Variants in PYHIN1 observed in about 807,000 individuals in gnomAD.
PYHIN1 encodes pyrin and HIN domain-containing protein 1.
PYHIN1 carries 32 observed loss-of-function variants against 43.7 expected under a neutral mutation model. That is an observed-to-expected ratio of 0.73 (90% CI 0.55 to 0.98). The LOEUF is 0.98. Among genes scored for constraint, PYHIN1 ranks in the 50% least tolerant of loss-of-function variants. PYHIN1 has a pLI of 0.00. For synonymous variants in PYHIN1, 205 were observed against 203.1 expected, an observed-to-expected ratio of 1.01 and a Z score of -0.08; for missense variants, 588 against 589.5, an observed-to-expected ratio of 1.00 and a Z score of 0.03.
At chr1:158,944,748 T>C (rs1302038370) in intron 6 of PYHIN1, 127 bp from the exon 7 acceptor site, 13 of 664,614 alleles carry the variant, frequency 2.0e-5, no homozygotes, top group Non-Finnish European at 3.0e-5. Context: ...ATACATTAGA[T>C]AGAGGCAATC....
At chr1:158,944,340 C>T (rs992342210) in intron 6 of PYHIN1, among the ~76,000 whole-genome samples, 68 of 152,286 alleles carry the variant, frequency 4.5e-4, no homozygotes, top group African/African-American at 1.6e-3. Flanking sequence ...ACATGTTCCT[C>T]ACACAATTGG....
intron 7 of PYHIN1, among the ~76,000 whole-genome samples, chr1:158,952,993 G>T (rs540637920): frequency 1.3e-5 from 2 of 152,178 alleles, no homozygotes; most frequent in African/African-American, 2.4e-5. Flanking sequence ...AGGGGTGATC[G>T]ACGCACCTGG....
At chr1:158,981,463 C>T (rs1289096091), downstream of PYHIN1, among the ~76,000 whole-genome samples, 1 of 152,116 alleles carries the variant, frequency 6.6e-6, no homozygotes, top group Non-Finnish European at 1.5e-5. Flanking sequence ...AAGAGCGAGA[C>T]TCTGAATCAA....
chr1:158,990,020 A>G, the PYHIN1 span, among the ~76,000 whole-genome samples: 6 of 152,170 alleles, frequency 3.9e-5, no homozygotes, highest in Non-Finnish European at 5.9e-5. Flanking sequence ...AAATGCATAA[A>G]TGTGTGAATG....
At chr1:158,973,809 T>C (rs1233732486) in intron 8 of PYHIN1, 38 bp downstream of exon 8, 3 of 1,608,566 alleles carry the variant, frequency 1.9e-6, no homozygotes, top group Non-Finnish European at 1.7e-6. Context: ...ACCTCTAAAA[T>C]ATAATTGTAG....
chr1:158,973,391 T>TTC (rs1477910298), intron 7 of PYHIN1, among the ~76,000 whole-genome samples: 1 of 151,934 alleles, frequency 6.6e-6, no homozygotes, highest in African/African-American at 2.4e-5. Flanking sequence ...CAGATCCATT[T>TTC]TCTCTTATAC....
chr1:158,973,186 G>A (rs1651036025), intron 7 of PYHIN1, among the ~76,000 whole-genome samples: 2 of 152,076 alleles, frequency 1.3e-5, no homozygotes, highest in African/African-American at 4.8e-5. Flanking sequence ...CCACACCTAT[G>A]AGTTGAAGAC....
intron 7 of PYHIN1, among the ~76,000 whole-genome samples, chr1:158,964,936 G>A (rs1465330767): frequency 6.6e-6 from 1 of 152,116 alleles, no homozygotes; most frequent in Non-Finnish European, 1.5e-5. Flanking sequence ...AAAAGTCACA[G>A]AGTGGCAGGC....
At chr1:158,945,185 C>T (rs1649155797) in intron 7 of PYHIN1, 143 bp downstream of exon 7, 3 of 779,184 alleles carry the variant, frequency 3.9e-6, no homozygotes, top group Admixed American at 6.1e-5. Context: ...TTATTGAATG[C>T]ATACAGTGAG....
At chr1:158,934,411 T>C (rs1648380773) in intron 1 of PYHIN1, among the ~76,000 whole-genome samples, 1 of 152,230 alleles carries the variant, frequency 6.6e-6, no homozygotes, top group Non-Finnish European at 1.5e-5. Flanking sequence ...GCCAGCATTA[T>C]ATAAAAATGA....
chr1:158,936,505 A>G (rs1180938779), intron 1 of PYHIN1, among the ~76,000 whole-genome samples: 1 of 152,140 alleles, frequency 6.6e-6, no homozygotes, highest in Admixed American at 6.5e-5. Context: ...ACCATGATCA[A>G]GTGGGCTTCA....
chr1:158,937,930 G>A (rs1648659480), intron 2 of PYHIN1, among the ~76,000 whole-genome samples: 1 of 147,378 alleles, frequency 6.8e-6, no homozygotes, highest in African/African-American at 2.5e-5. Context: ...GGGCGACAGA[G>A]CGAGACTCCG....
At chr1:158,987,308 A>C in the PYHIN1 span, among the ~76,000 whole-genome samples, 1 of 152,328 alleles carries the variant, frequency 6.6e-6, no homozygotes, top group East Asian at 1.9e-4. Context: ...TTCCCTGATG[A>C]CTAATAATGT....
chr1:158,945,451 G>T (rs1394217017), intron 7 of PYHIN1: 1 of 153,504 alleles, frequency 6.5e-6, no homozygotes, highest in Admixed American at 6.5e-5. Flanking sequence ...TATATATTTG[G>T]AAACATGCTA....
intron 5 of PYHIN1, 60 bp downstream of exon 5, chr1:158,942,459 T>C (rs1405614770): frequency 1.5e-6 from 2 of 1,354,996 alleles, no homozygotes; most frequent in East Asian, 2.3e-5. Flanking sequence ...TTAAAAGCCC[T>C]GATGTGCTAA....
the PYHIN1 span, among the ~76,000 whole-genome samples, chr1:158,984,438 C>T: frequency 6.6e-6 from 1 of 151,980 alleles, no homozygotes; most frequent in Admixed American, 6.6e-5. Flanking sequence ...GTTTAATTTC[C>T]AAATACTTCT....
intron 6 of PYHIN1, among the ~76,000 whole-genome samples, 168 bp from the exon 7 acceptor site, chr1:158,944,707 C>CA (rs1314800662): frequency 1.3e-5 from 2 of 151,752 alleles, no homozygotes; most frequent in Admixed American, 1.3e-4. Flanking sequence ...TACATTTTAG[C>CA]AAAAAAATAT....
At chr1:158,936,598 A>C (rs572388371) in intron 1 of PYHIN1, among the ~76,000 whole-genome samples, 11 of 152,214 alleles carry the variant, frequency 7.2e-5, no homozygotes, top group African/African-American at 2.4e-4. Context: ...ACAAAAACCA[A>C]ATTATTATCT....
At chr1:158,963,047 C>T (rs199512875) in intron 7 of PYHIN1, among the ~76,000 whole-genome samples, 8 of 152,294 alleles carry the variant, frequency 5.3e-5, no homozygotes, top group African/African-American at 9.6e-5. Flanking sequence ...CACTCCTCAA[C>T]GAGCTGAGCC....
Sources: allele counts gnomAD v4.1 joint callset (sites outside exome capture counted in the v4.1 genomes callset), GRCh38; gene constraint gnomAD v4.1.1; transcripts MANE v1.5; gene names NCBI Gene and HGNC (gene_info 2026-07-23, HGNC 2026-07-21).